Variants in LIMA1 observed in about 807,000 individuals in gnomAD.
LIMA1 encodes the protein LIM domain and actin binding 1.
LIMA1 carries 52 observed loss-of-function variants against 62.6 expected under a neutral mutation model. That is an observed-to-expected ratio of 0.83 (90% CI 0.67 to 1.05). LIMA1 has a LOEUF of 1.05. LIMA1 is among the 50% of genes least tolerant of loss of function. LIMA1 has a pLI of 0.00. For synonymous variants in LIMA1, 302 were observed against 317.8 expected (o/e 0.95, Z 0.53); for missense variants, 780 against 902.2 (o/e 0.86, Z 1.74).
chr12:50,256,820 T>G (rs191971724), intron 1 of LIMA1, among the ~76,000 whole-genome samples: 5 of 152,150 alleles, frequency 3.3e-5, no homozygotes, highest in African/African-American at 1.2e-4. Flanking sequence ...CAAAAAAAAG[T>G]TTTTTTAAAA....
chr12:50,190,646 C>T (rs1940740936), intron 9 of LIMA1, among the ~76,000 whole-genome samples: 1 of 138,656 alleles, frequency 7.2e-6, no homozygotes, highest in South Asian at 2.3e-4. Flanking sequence ...TCCCAAAGTG[C>T]TGGGATTACA....
chr12:50,195,958 G>C, intron 7 of LIMA1, 71 bp from the exon 8 acceptor site: 1 of 1,448,630 alleles, frequency 6.9e-7, no homozygotes, highest in Non-Finnish European at 9.1e-7. Context: ...AGAGCAAACT[G>C]CTGTTAATGC....
At chr12:50,248,604 G>C in intron 2 of LIMA1, 29 bp downstream of exon 2, 1 of 1,351,722 alleles carries the variant, frequency 7.4e-7, no homozygotes, top group East Asian at 2.3e-5. Flanking sequence ...CCAGACAGAT[G>C]GTCCTTTTGG....
rs56674261 is a variant in LIMA1 at position 50,178,966 on chromosome 12, A to ATATATT, written c.1275-898_1275-897insAATATA. On this transcript the variant is annotated intron_variant, in intron 10 of 10. Coordinates refer to ENST00000341247, the MANE Select transcript of LIMA1 (RefSeq NM_016357.5). ...TATATAAATACATATATATATATAT[A>ATATATT]TTTTTTTTTTCTTTTTCTTTTCTTT... Among the ~76,000 whole-genome samples the ATATATT allele has an allele frequency of 6.0e-3, 770 of 128,940 alleles. 6 individuals carry two copies. The highest frequency in any genetic ancestry group is 0.011 in the African/African-American group (421 of 37,244). The allele number at this position is 128,940 out of a possible 152,430, so 84.6% of individuals were successfully genotyped here.
At chr12:50,227,988 T>C (rs890668448) in intron 3 of LIMA1, among the ~76,000 whole-genome samples, 1 of 151,460 alleles carries the variant, frequency 6.6e-6, no homozygotes, top group South Asian at 2.1e-4. Context: ...GCCTCCCGAG[T>C]AGCTAGGACT....
Position 50,177,682 on chromosome 12 carries a change from G to A in LIMA1, c.1662C>T (p.Pro554=), listed in dbSNP as rs957446269. 9.3e-6 allele frequency: 15 copies of A among 1,609,670 alleles called. No homozygotes were observed. Among genetic ancestry groups the A allele is most frequent in the Non-Finnish European group, 1.3e-5 (15 of 1,178,302 alleles). ...ALEEGIKMSK[P]KWPPEDEISK... ...TGATTTCGTCTTCAGGAGGCCATTT[G>A]GGCTTTGACATTTTGATCCCTTCCT... The change falls in exon 11 of 11, where the codon CCC becomes CCT. Residue 554 remains proline (P), a synonymous_variant. Coordinates refer to ENST00000341247, the MANE Select transcript of LIMA1 (RefSeq NM_016357.5).
At chr12:50,192,607 T>C (rs542107893) in intron 8 of LIMA1, 46 bp from the exon 9 acceptor site, 31 of 1,440,146 alleles carry the variant, frequency 2.2e-5, no homozygotes, top group East Asian at 1.1e-4. Flanking sequence ...TCTCATGGAA[T>C]GTCTTGGAAA....
intron 4 of LIMA1, among the ~76,000 whole-genome samples, chr12:50,208,900 G>T (rs1278074903): frequency 1.3e-5 from 2 of 151,774 alleles, no homozygotes; most frequent in Non-Finnish European, 2.9e-5. Flanking sequence ...TGGGTGATGA[G>T]TAAGACCCTG....
chr12:50,256,669 T>C (rs1204429797), intron 1 of LIMA1, among the ~76,000 whole-genome samples: 1 of 152,228 alleles, frequency 6.6e-6, no homozygotes, highest in Non-Finnish European at 1.5e-5. Context: ...AGATATTATG[T>C]AGAATGTTCC....
chr12:50,240,082 G>C (rs559752449), intron 2 of LIMA1, among the ~76,000 whole-genome samples: 37 of 143,100 alleles, frequency 2.6e-4, no homozygotes, highest in Admixed American at 1.4e-3. Flanking sequence ...TTTAAAAGGA[G>C]CGCCTCACTG....
At chr12:50,271,108 C>A (rs1942206740) in intron 1 of LIMA1, among the ~76,000 whole-genome samples, 1 of 150,692 alleles carries the variant, frequency 6.6e-6, no homozygotes, top group African/African-American at 2.4e-5. Context: ...AACAAACAAA[C>A]AAAAAACTGA....
intron 3 of LIMA1, among the ~76,000 whole-genome samples, chr12:50,223,275 G>C (rs1941477937): frequency 6.6e-6 from 1 of 151,764 alleles, no homozygotes; most frequent in East Asian, 2.0e-4. Context: ...ACAAGGTCAG[G>C]AGTTTGAGAC....
At chr12:50,243,388 C>T (rs1941804968) in intron 2 of LIMA1, among the ~76,000 whole-genome samples, 1 of 152,148 alleles carries the variant, frequency 6.6e-6, no homozygotes, top group Non-Finnish European at 1.5e-5. Flanking sequence ...AAATATAAAG[C>T]CACTAGGTGT....
Position 50,200,890 on chromosome 12 carries a change from A to G in LIMA1, c.865-6T>C. 1.9e-6 allele frequency: 3 copies of G among 1,611,682 alleles called. No individual in the cohort carries two copies. The highest frequency in any genetic ancestry group is 2.5e-6 in the Non-Finnish European group (3 of 1,179,396). On this transcript the variant is annotated splice_region_variant and splice_polypyrimidine_tract_variant and intron_variant, in intron 6 of 10. Coordinates refer to ENST00000341247, the MANE Select transcript of LIMA1 (RefSeq NM_016357.5). The stretch of plus-strand genomic sequence containing the variant: ...CCACTGGCTTTCAGCTCATTCTACA[A>G]AATAAAAATAACTGTAAAAATTTTT...
At chr12:50,203,719 C>A (rs1941100550) in intron 6 of LIMA1, among the ~76,000 whole-genome samples, 1 of 152,122 alleles carries the variant, frequency 6.6e-6, no homozygotes, top group Non-Finnish European at 1.5e-5. Flanking sequence ...AGCTGAATAT[C>A]AAAATTTTCA....
At position 50,200,590 on chromosome 12, in the gene LIMA1, G is replaced by C. The variant is rs12296733; in HGVS notation, c.972+187C>G. ...TTTTCCAATGAAGGCTCATTATTTG[G>C]TCAGCTATAAGTTGCAGAGCTACTC... On this transcript the variant is annotated intron_variant, in intron 7 of 10. Coordinates refer to ENST00000341247, the MANE Select transcript of LIMA1 (RefSeq NM_016357.5). Among the ~76,000 whole-genome samples the C allele has an allele frequency of 2.8e-3, 431 of 152,338 alleles. 3 individuals are homozygous for C. The highest frequency in any genetic ancestry group is 9.6e-3 in the African/African-American group (399 of 41,572).
chr12:50,205,241 C>CTT (rs11336583), intron 5 of LIMA1, among the ~76,000 whole-genome samples: 4 of 139,562 alleles, frequency 2.9e-5, no homozygotes, highest in Non-Finnish European at 3.1e-5. Flanking sequence ...CCACGCTGGG[C>CTT]TTTTTTTTTT....
intron 2 of LIMA1, among the ~76,000 whole-genome samples, chr12:50,236,257 G>C (rs1409639997): frequency 1.3e-5 from 2 of 151,146 alleles, no homozygotes; most frequent in Admixed American, 6.6e-5. Context: ...TTCAAACAAT[G>C]CTAACAACAT....
At chr12:50,256,596 C>G (rs1342515884) in intron 1 of LIMA1, among the ~76,000 whole-genome samples, 1 of 152,156 alleles carries the variant, frequency 6.6e-6, no homozygotes. Context: ...CTACCCCAAT[C>G]TATGACAGTT....
Sources: allele counts gnomAD v4.1 joint callset (sites outside exome capture counted in the v4.1 genomes callset), GRCh38; gene constraint gnomAD v4.1.1; transcripts MANE v1.5; gene names NCBI Gene and HGNC (gene_info 2026-07-23, HGNC 2026-07-21).